The following MGA variants were observed in gnomAD, a reference collection of about 807,000 sequenced individuals.
MGA encodes MAX gene-associated protein.
In MGA, 40 loss-of-function variants were observed where a neutral mutation model predicts 261.1. The observed-to-expected ratio is 0.15, with a 90% CI of 0.12 to 0.20. MGA has a LOEUF of 0.20. Ranked by LOEUF, MGA falls within the 10% of genes least tolerant of loss-of-function variation. The pLI is 1.00. For missense variants in MGA, 3,397 were observed against 3,630.5 expected, an observed-to-expected ratio of 0.94 and a Z score of 1.65; for synonymous variants, 1,302 against 1,290.6, an observed-to-expected ratio of 1.01 and a Z score of -0.19.
At chr15:41,639,265 C>A (rs1332478225) in intron 1 of MGA, among the ~76,000 whole-genome samples, 1 of 152,078 alleles carries the variant, frequency 6.6e-6, no homozygotes, top group African/African-American at 2.4e-5. Context: ...TTTATGGCCC[C>A]TTCTCTGGCA....
Position 41,745,281 on chromosome 15 carries a change from TAAAAAAAAAAAA to T in MGA, c.5212+2124_5212+2135del, listed in dbSNP as rs71108126. On this transcript the variant is annotated intron_variant, in intron 15 of 23. Transcript: ENST00000219905. ...GCGAGAAACACCCAAGAATGATCAATAAAAAAAAAAAAAAAAAAAAAAAAAAGAGACAGCATT... is the reference window on the plus strand; with the variant it reads ...GCGAGAAACACCCAAGAATGATCAATAAAAAAAAAAAAAAGAGACAGCATT... Among the ~76,000 whole-genome samples the T allele has an allele frequency of 4.5e-4, 15 of 33,226 alleles. No individual in the cohort carries two copies. The South Asian group carries it at 5.1e-3, about 11-fold the overall frequency. The allele number at this position is 33,226 out of a possible 152,430, so 21.8% of individuals were successfully genotyped here.
upstream of MGA, chr15:41,660,298 G>A (rs1469286126): frequency 6.6e-6 from 1 of 152,474 alleles, no homozygotes; most frequent in Non-Finnish European, 1.5e-5. Context: ...GGGGCCGTTT[G>A]GACTCCTGGT....
Position 41,760,510 on chromosome 15 carries a change from A to G in MGA, c.7379A>G (p.Lys2460Arg). Reference sequence around the variant, plus strand: ...TTACTTCATTCTTCCAAGGTTTCCAAAAGTCTCATTCTTACTCGAGTAAGT... The same window carrying G: ...TTACTTCATTCTTCCAAGGTTTCCAGAAGTCTCATTCTTACTCGAGTAAGT... The change falls in exon 20 of 24, where the codon AAA becomes AGA. Residue 2460 changes from lysine (K) to arginine (R), a missense_variant. Lys to Arg is a conservative substitution (Grantham distance 26). Transcript: ENST00000219905. 1.2e-6 allele frequency: 2 copies of G among 1,614,000 alleles called. No individual in the cohort carries two copies. The highest frequency in any genetic ancestry group is 1.7e-6 in the Non-Finnish European group (2 of 1,179,878).
At chr15:41,746,470 G>A (rs567070400) in intron 15 of MGA, among the ~76,000 whole-genome samples, 11 of 151,368 alleles carry the variant, frequency 7.3e-5, no homozygotes, top group Admixed American at 3.9e-4. Context: ...GCTTGAACCC[G>A]GGAGGCGGAG....
At chr15:41,737,875 G>C (rs2061874641) in intron 13 of MGA, among the ~76,000 whole-genome samples, 1 of 151,814 alleles carries the variant, frequency 6.6e-6, no homozygotes, top group Non-Finnish European at 1.5e-5. Flanking sequence ...AGCTTCTTGA[G>C]AGGCTGAGGC....
intron 10 of MGA, among the ~76,000 whole-genome samples, chr15:41,728,671 A>G (rs2061365040): frequency 6.6e-6 from 1 of 152,214 alleles, no homozygotes; most frequent in African/African-American, 2.4e-5. Context: ...AGTTGATTTT[A>G]CTGTCTTGGT....
intron 10 of MGA, 29 bp downstream of exon 10, chr15:41,727,435 A>C (rs768114847): frequency 1.8e-5 from 29 of 1,579,304 alleles, no homozygotes; most frequent in Non-Finnish European, 2.4e-5. Context: ...CTTTTATTAC[A>C]AGTTACCAAA....
At chr15:41,690,042 A>G (rs747463091) in intron 2 of MGA, among the ~76,000 whole-genome samples, 8 of 152,224 alleles carry the variant, frequency 5.3e-5, no homozygotes, top group Non-Finnish European at 1.0e-4. Context: ...GTTTTAGGAC[A>G]TTACCAGCAC....
chr15:41,730,113 C>T (rs1037729509), intron 11 of MGA, among the ~76,000 whole-genome samples: 2 of 152,076 alleles, frequency 1.3e-5, no homozygotes, highest in South Asian at 4.1e-4. Context: ...AGGCTGGTCT[C>T]GAACTCCTGA....
At chr15:41,703,725 G>A (rs2059970536) in intron 5 of MGA, among the ~76,000 whole-genome samples, 1 of 152,162 alleles carries the variant, frequency 6.6e-6, no homozygotes, top group Non-Finnish European at 1.5e-5. Flanking sequence ...CTGGGCAACA[G>A]AGCGAGACTG....
intron 5 of MGA, among the ~76,000 whole-genome samples, chr15:41,701,847 A>G (rs912220879): frequency 1.3e-5 from 2 of 152,176 alleles, no homozygotes; most frequent in Non-Finnish European, 2.9e-5. Context: ...ATTTAATCCT[A>G]AGGTTTTTAA....
At position 41,769,597 on chromosome 15, in the gene MGA, G is replaced by A. The variant is rs2063953150; in HGVS notation, c.*2317G>A. 1 of 152,498 alleles carries A rather than the reference G, an allele frequency of 6.6e-6. No individual in the cohort carries two copies. Among genetic ancestry groups the A allele is most frequent in the Admixed American group, 6.5e-5 (1 of 15,272 alleles). The allele number at this position is 152,498 out of a possible 1,614,324, so 9.4% of individuals were successfully genotyped here. A position where few individuals can be genotyped will look rare whatever the true frequency, so the allele number is the denominator to read the frequency against. On this transcript the variant is annotated 3_prime_UTR_variant, in exon 24 of 24. Transcript: ENST00000219905. ...ACTCCTACCCTTTAACCTTACCCTA[G>A]GGGGAACTGATCTATGAATATTACA...
At chr15:41,719,412 A>C (rs894625384) in intron 9 of MGA, among the ~76,000 whole-genome samples, 6 of 152,134 alleles carry the variant, frequency 3.9e-5, no homozygotes, top group Non-Finnish European at 7.3e-5. Context: ...TTTATGAAAA[A>C]CAGAGGACTT....
chr15:41,690,054 C>T (rs2059191310), intron 2 of MGA, among the ~76,000 whole-genome samples: 1 of 152,152 alleles, frequency 6.6e-6, no homozygotes, highest in African/African-American at 2.4e-5. Flanking sequence ...TACCAGCACC[C>T]CAGAAAGAAA....
intron 1 of MGA, among the ~76,000 whole-genome samples, chr15:41,651,558 C>CT (rs1199720931): frequency 6.7e-6 from 1 of 149,036 alleles, no homozygotes; most frequent in Non-Finnish European, 1.5e-5. Flanking sequence ...ACATCTTCCC[C>CT]TTCCTTCCCC....
chr15:41,632,785 A>G (rs911853690), intron 1 of MGA, among the ~76,000 whole-genome samples: 2 of 12,950 alleles, frequency 1.5e-4, no homozygotes, highest in Non-Finnish European at 9.0e-4. Flanking sequence ...GAGATAGGGA[A>G]AAAAAAAAAA....
intron 2 of MGA, among the ~76,000 whole-genome samples, chr15:41,681,269 C>T (rs2058657341): frequency 6.6e-6 from 1 of 151,938 alleles, no homozygotes; most frequent in African/African-American, 2.4e-5. Context: ...GTGGTATTTG[C>T]CTCTGTCTAG....
chr15:41,668,752 T>G (rs1482748129), intron 1 of MGA, 76 bp from the exon 2 acceptor site: 2 of 535,256 alleles, frequency 3.7e-6, no homozygotes, highest in African/African-American at 3.7e-5. Context: ...CGTTCTTGTA[T>G]TTTTGTTCAA....
intron 1 of MGA, among the ~76,000 whole-genome samples, chr15:41,649,822 A>G (rs941242561): frequency 6.6e-6 from 1 of 152,094 alleles, no homozygotes; most frequent in Non-Finnish European, 1.5e-5. Context: ...TGGAATTACA[A>G]GCACCCGCCA....
Sources: allele counts gnomAD v4.1 joint callset (sites outside exome capture counted in the v4.1 genomes callset), GRCh38; gene constraint gnomAD v4.1.1; transcripts MANE v1.5; gene names NCBI Gene and HGNC (gene_info 2026-07-23, HGNC 2026-07-21).